ZGRF1: variants seen among roughly 807,000 people sequenced by gnomAD.
ZGRF1 encodes the protein 5'-3' DNA helicase ZGRF1.
Under a neutral mutation model 203.5 loss-of-function variants are expected in ZGRF1, and 196 were observed. The ratio of observed to expected loss-of-function variants is 0.96; its 90% confidence interval spans 0.86 to 1.08. The LOEUF (loss-of-function observed/expected upper bound fraction) is 1.08. Ranked by LOEUF, ZGRF1 falls within the 50% of genes least tolerant of loss-of-function variation. The pLI is 0.00. For missense variants in ZGRF1, 2,326 were observed against 2,416.3 expected (o/e 0.96, Z 0.78); for synonymous variants, 809 against 841.3 (o/e 0.96, Z 0.66).
intron 4 of ZGRF1, among the ~76,000 whole-genome samples, chr4:112,623,039 T>G (rs1041914245): frequency 2.6e-5 from 4 of 152,184 alleles, no homozygotes; most frequent in African/African-American, 4.8e-5. Context: ...TCTCATCATT[T>G]AGCTCCCACT....
intron 12 of ZGRF1, 80 bp from the exon 13 acceptor site, chr4:112,586,663 A>G: frequency 1.8e-6 from 2 of 1,092,388 alleles, no homozygotes; most frequent in Non-Finnish European, 2.5e-6. Flanking sequence ...TTTCATAGAC[A>G]TTTTTTAAAA....
chr4:112,568,755 C>G (rs970758830), intron 16 of ZGRF1, among the ~76,000 whole-genome samples: 1 of 150,406 alleles, frequency 6.6e-6, no homozygotes, highest in South Asian at 2.1e-4. Context: ...GTGGCTCACG[C>G]CTGTAATCCC....
At chr4:112,593,999 C>A (rs146953140) in intron 10 of ZGRF1, among the ~76,000 whole-genome samples, 1 of 152,152 alleles carries the variant, frequency 6.6e-6, no homozygotes, top group African/African-American at 2.4e-5. Flanking sequence ...AAGCAATCCT[C>A]CCGCTTTGGC....
At chr4:112,547,736 A>G (rs1284395120) in intron 23 of ZGRF1, among the ~76,000 whole-genome samples, 1 of 152,218 alleles carries the variant, frequency 6.6e-6, no homozygotes, top group African/African-American at 2.4e-5. Flanking sequence ...AGTCTTTCTT[A>G]GGAGTCATTT....
chr4:112,586,117 T>A (rs1054666608), intron 13 of ZGRF1, among the ~76,000 whole-genome samples: 61 of 152,108 alleles, frequency 4.0e-4, no homozygotes, highest in African/African-American at 1.4e-3. Flanking sequence ...GGTGTGCACC[T>A]GTGGTTCCAG....
intron 8 of ZGRF1, 25 bp downstream of exon 8, chr4:112,609,354 C>T (rs1751246869): frequency 7.0e-7 from 1 of 1,436,168 alleles, no homozygotes; most frequent in Non-Finnish European, 9.4e-7. Flanking sequence ...TGCCCAGGGG[C>T]TAATTTATAT....
chr4:112,571,680 C>T (rs1470416119), intron 16 of ZGRF1, among the ~76,000 whole-genome samples: 5 of 152,140 alleles, frequency 3.3e-5, no homozygotes, highest in African/African-American at 1.2e-4. Context: ...CCACCATGCT[C>T]AGCCCTAAAT....
intron 2 of ZGRF1, 137 bp downstream of exon 2, chr4:112,633,019 A>G: frequency 1.3e-6 from 1 of 766,032 alleles, no homozygotes. Flanking sequence ...TTTGAAATTC[A>G]AATTTAACTG....
At chr4:112,605,213 T>C (rs2351759) in intron 9 of ZGRF1, among the ~76,000 whole-genome samples, 151,999 of 152,054 alleles carry the variant, frequency 1, 75,972 homozygotes, top group Middle Eastern at 1. Flanking sequence ...CAGGCTGGAG[T>C]GCAGTGGCAC....
At chr4:112,572,797 A>T (rs916065529) in intron 16 of ZGRF1, among the ~76,000 whole-genome samples, 3 of 152,222 alleles carry the variant, frequency 2.0e-5, no homozygotes, top group Non-Finnish European at 4.4e-5. Flanking sequence ...ACAAACATGA[A>T]AAAATGCTCA....
intron 10 of ZGRF1, among the ~76,000 whole-genome samples, chr4:112,601,998 A>G (rs1281555217): frequency 6.6e-6 from 1 of 152,192 alleles, no homozygotes; most frequent in Non-Finnish European, 1.5e-5. Flanking sequence ...TGAGGTCAGG[A>G]GTTCGAGACC....
intron 7 of ZGRF1, among the ~76,000 whole-genome samples, chr4:112,611,537 T>C (rs926614982): frequency 6.6e-6 from 1 of 152,244 alleles, no homozygotes. Flanking sequence ...AGCATCCCCA[T>C]TGAGTGAGAA....
chr4:112,623,490 T>C (rs1005277000), intron 4 of ZGRF1, among the ~76,000 whole-genome samples: 3 of 152,184 alleles, frequency 2.0e-5, no homozygotes, highest in African/African-American at 7.2e-5. Context: ...GAAAAAATCA[T>C]GTAGTAGAAT....
chr4:112,568,743 T>C (rs1327706608), intron 16 of ZGRF1, among the ~76,000 whole-genome samples: 4 of 132,236 alleles, frequency 3.0e-5, no homozygotes, highest in South Asian at 2.4e-4. Context: ...AAGCCAGGCG[T>C]GGTGGCTCAC....
intron 10 of ZGRF1, among the ~76,000 whole-genome samples, chr4:112,601,311 A>G (rs954939840): frequency 6.6e-6 from 1 of 152,060 alleles, no homozygotes; most frequent in Admixed American, 6.6e-5. Flanking sequence ...GCACTTTGGG[A>G]GGCCGAGGCA....
chr4:112,590,808 C>G (rs1411373455), intron 10 of ZGRF1, among the ~76,000 whole-genome samples: 2 of 151,704 alleles, frequency 1.3e-5, no homozygotes, highest in African/African-American at 4.8e-5. Flanking sequence ...TGCCTGTAAT[C>G]CCAGTTACTC....
chr4:112,605,733 A>G, intron 9 of ZGRF1: 1 of 372,598 alleles, frequency 2.7e-6, no homozygotes, highest in Non-Finnish European at 4.9e-6. Context: ...TTTACTCTAC[A>G]TGGCTTTGTG....
rs764957280 is a variant in ZGRF1, at chr4:112,612,512, A to G, written c.2667+12T>C. On this transcript the variant is annotated intron_variant, in intron 7 of 27. Transcript: ENST00000505019. ...AATAAAAAAAACATACTCTTAGAAA[A>G]AAAACCTGTACCTGTTGAGAATCCT... 3 of 1,559,598 alleles carry G rather than the reference A, an allele frequency of 1.9e-6. No homozygotes were observed. In the South Asian group the frequency reaches 3.5e-5, roughly 18 times the overall value.
chr4:112,596,557 G>T (rs1481483455), intron 10 of ZGRF1, among the ~76,000 whole-genome samples: 1 of 151,910 alleles, frequency 6.6e-6, no homozygotes, highest in Non-Finnish European at 1.5e-5. Context: ...GAAACCTGAA[G>T]GAAAGCACAT....
Sources: allele counts gnomAD v4.1 joint callset (sites outside exome capture counted in the v4.1 genomes callset), GRCh38; gene constraint gnomAD v4.1.1; transcripts MANE v1.5; gene names NCBI Gene and HGNC (gene_info 2026-07-23, HGNC 2026-07-21).